Variants in MYO1C observed in about 807,000 individuals in gnomAD.
The protein encoded by MYO1C is unconventional myosin-Ic.
Under a neutral mutation model 150.8 loss-of-function variants are expected in MYO1C, and 104 were observed. The ratio of observed to expected loss-of-function variants is 0.69; its 90% CI spans 0.59 to 0.81. The LOEUF is 0.81. Among genes scored for constraint, MYO1C ranks in the 30% least tolerant of loss-of-function variants. The pLI, the probability that MYO1C is intolerant of heterozygous loss-of-function variation, is 0.00. For synonymous variants in MYO1C, 663 were observed against 579.9 expected, an observed-to-expected ratio of 1.14 and a Z score of -2.06; for missense variants, 1,504 against 1,435.0, an observed-to-expected ratio of 1.05 and a Z score of -0.78.
chr17:1,491,480 T>G, intron 1 of MYO1C: 2 of 216,416 alleles, frequency 9.2e-6, no homozygotes, highest in Non-Finnish European at 1.4e-5. Flanking sequence ...ACGCGGCCGT[T>G]CTTCGGCCCC....
chr17:1,474,575 A>C, intron 17 of MYO1C, 35 bp downstream of exon 17: 2 of 1,597,138 alleles, frequency 1.3e-6, no homozygotes, highest in Non-Finnish European at 1.7e-6. Flanking sequence ...ACTCAGGCGC[A>C]TGCACCCCTG....
chr17:1,488,968 A>G (rs954430610), intron 1 of MYO1C, among the ~76,000 whole-genome samples: 4 of 152,198 alleles, frequency 2.6e-5, no homozygotes, highest in Admixed American at 2.6e-4. Flanking sequence ...TTCTGCGGAC[A>G]GCGGAAAGCT....
chr17:1,476,941 C>T (rs780798873), intron 14 of MYO1C, among the ~76,000 whole-genome samples: 70 of 151,372 alleles, frequency 4.6e-4, no homozygotes, highest in African/African-American at 1.6e-3. Flanking sequence ...CGGGTTCGAG[C>T]GATTCTCCCG....
chr17:1,484,013 G>C, intron 2 of MYO1C, 135 bp downstream of exon 2: 3 of 1,183,386 alleles, frequency 2.5e-6, no homozygotes, highest in Non-Finnish European at 3.6e-6. Context: ...CTGCACTCCA[G>C]CCTGGGCAAC....
At chr17:1,474,050 C>G (rs947048997) in intron 17 of MYO1C, among the ~76,000 whole-genome samples, 4 of 152,110 alleles carry the variant, frequency 2.6e-5, no homozygotes, top group African/African-American at 9.7e-5. Context: ...CCCACAGAGA[C>G]AGACGTACAC....
chr17:1,489,642 T>A (rs908529167), intron 1 of MYO1C, among the ~76,000 whole-genome samples: 1 of 152,122 alleles, frequency 6.6e-6, no homozygotes, highest in Non-Finnish European at 1.5e-5. Context: ...ATGGTGCTAC[T>A]GCACTCCAGC....
In MYO1C at chr17:1,477,497, C is replaced by A; in HGVS notation, c.1574+8G>T. ...CCTTGCCCCCAGCAGCCCCGCAGCC[C>A]CACTCACGTCAGGAAGTGTGGATGG... On this transcript the variant is annotated splice_region_variant and intron_variant, in intron 14 of 31. Coordinates refer to ENST00000648651, the MANE Select transcript of MYO1C (RefSeq NM_001080779.2). 6.2e-7 allele frequency: 1 copy of A among 1,613,326 alleles called. No individual in the cohort carries two copies. Among genetic ancestry groups the A allele is most frequent in the Non-Finnish European group, 8.5e-7 (1 of 1,179,688 alleles).
At chr17:1,467,957 C>T (rs2074213982) in intron 28 of MYO1C, 31 bp downstream of exon 28, 1 of 1,612,710 alleles carries the variant, frequency 6.2e-7, no homozygotes, top group Admixed American at 1.7e-5. Flanking sequence ...AGAGCAGGGC[C>T]CTCCCCCTGC....
chr17:1,486,363 G>A (rs1419369132), intron 1 of MYO1C, among the ~76,000 whole-genome samples: 1 of 152,142 alleles, frequency 6.6e-6, no homozygotes, highest in Non-Finnish European at 1.5e-5. Flanking sequence ...TGCCCTGGCC[G>A]AGCGCGCGGA....
In MYO1C at chr17:1,468,071, C is replaced by T. The variant is rs775495196; in HGVS notation, c.2813G>A (p.Arg938Gln). Residue 938 changes from arginine (R) to glutamine (Q), a missense_variant, in exon 28 of 32, where the codon CGG (arginine) becomes CAG (glutamine). By Grantham distance (43) the Arg-to-Gln change is conservative. Transcript: ENST00000648651. ...GGCGTTGGGCGTGAGCAGCAGCTGC[C>T]GGGAGCGAGGCTTGTAGCCCTTGCG... ...YDRKGYKPRS[R>Q]QLLLTPNAVV... 6.8e-6 allele frequency: 11 copies of T among 1,613,316 alleles called. No individual in the cohort carries two copies. The highest frequency in any genetic ancestry group is 9.3e-6 in the Non-Finnish European group (11 of 1,179,934).
At chr17:1,473,118 T>G (rs2074337733) in intron 17 of MYO1C, among the ~76,000 whole-genome samples, 1 of 152,246 alleles carries the variant, frequency 6.6e-6, no homozygotes, top group Admixed American at 6.5e-5. Context: ...GAGAATGGCG[T>G]GAGCCCAGGA....
chr17:1,466,627 C>CTT (rs35026657), intron 31 of MYO1C, among the ~76,000 whole-genome samples: 5 of 132,700 alleles, frequency 3.8e-5, no homozygotes, highest in African/African-American at 1.1e-4. Flanking sequence ...TGTGCCTGGC[C>CTT]TTTTTTTTTT....
At chr17:1,472,332 T>G (rs1318032407) in intron 17 of MYO1C, 104 bp from the exon 18 acceptor site, 1 of 965,780 alleles carries the variant, frequency 1.0e-6, no homozygotes, top group African/African-American at 1.6e-5. Flanking sequence ...CGCAGCAGCC[T>G]CTGATTCTGC....
In MYO1C at chr17:1,484,178, C is replaced by T. The variant is rs11538156; in HGVS notation, c.201G>A (p.Leu67=). ...TGAGATTCTCCCGAAATCGCCGCCG[C>T]AGGTTCTCGATGAAGGCGGCCTCGC... ...FTSEAAFIEN[L]RRRFRENLIY... is the part of the protein sequence containing the mutation. Residue 67 remains leucine, a synonymous_variant, in exon 2 of 32, where the codon CTG becomes CTA. Coordinates refer to ENST00000648651, the MANE Select transcript of MYO1C (RefSeq NM_001080779.2). The T allele has an allele frequency of 0.13, 215,398 of 1,612,912 alleles. 15,429 individuals carry two copies. Among genetic ancestry groups the T allele is most frequent in the Non-Finnish European group, 0.15 (176,027 of 1,179,944 alleles).
At chr17:1,477,849 C>T in intron 13 of MYO1C, 42 bp downstream of exon 13, 1 of 1,567,500 alleles carries the variant, frequency 6.4e-7, no homozygotes, top group East Asian at 2.2e-5. Flanking sequence ...CATCCTCCCA[C>T]CCAGCCTCCA....
chr17:1,483,513 G>A (rs910043378), intron 3 of MYO1C, 97 bp downstream of exon 3: 42 of 872,580 alleles, frequency 4.8e-5, no homozygotes, highest in East Asian at 1.1e-4. Context: ...GATGTGGCGC[G>A]GGACGCCAGG....
At chr17:1,469,037 G>A in intron 25 of MYO1C, 2 of 298,574 alleles carry the variant, frequency 6.7e-6, no homozygotes, top group Non-Finnish European at 1.3e-5. Context: ...CTGTACTCCA[G>A]TGTCCACTTC....
At chr17:1,474,774 T>TCCCCCCCCCCCC in intron 16 of MYO1C, 38 bp downstream of exon 16, 1 of 1,597,378 alleles carries the variant, frequency 6.3e-7, no homozygotes, top group Non-Finnish European at 8.6e-7. Flanking sequence ...CTGTGGGCTA[T>TCCCCCCCCCCCC]CCCCACCCCC....
rs190759411 is a variant in MYO1C, at chr17:1,488,520, G to T, written c.75+3893C>A. Among the ~76,000 whole-genome samples the T allele has an allele frequency of 1.4e-3, 206 of 152,368 alleles. 3 individuals are homozygous for T. In the East Asian group the frequency reaches 0.03, roughly 22 times the overall value. On this transcript the variant is annotated intron_variant, in intron 1 of 31. Transcript: ENST00000648651. ...TTCAGTGACGCCAGCCAAGCCGTGAGGTCCGTATCATCACTCCAATGCAGA... is the reference window on the plus strand; with the variant it reads ...TTCAGTGACGCCAGCCAAGCCGTGATGTCCGTATCATCACTCCAATGCAGA...
Sources: gnomAD v4.1 joint callset for allele counts (sites outside exome capture counted in the v4.1 genomes callset) on GRCh38, gnomAD v4.1.1 for gene constraint, MANE v1.5 for transcripts, NCBI Gene and HGNC (gene_info 2026-07-23, HGNC 2026-07-21) for gene names.